IGF2R: variants seen among roughly 807,000 people sequenced by gnomAD.
The protein encoded by IGF2R is insulin like growth factor 2 receptor.
IGF2R carries 91 observed loss-of-function variants against 270.6 expected under a neutral mutation model. The ratio of observed to expected loss-of-function variants is 0.34; its 90% CI spans 0.28 to 0.40. IGF2R has a LOEUF of 0.40. Among genes scored for constraint, IGF2R ranks in the 10% least tolerant of loss-of-function variants. IGF2R has a pLI of 1.00. For synonymous variants in IGF2R, 1,316 were observed against 1,258.9 expected (o/e 1.05, Z -0.96); for missense variants, 2,805 against 3,188.3 (o/e 0.88, Z 2.90).
intron 2 of IGF2R, among the ~76,000 whole-genome samples, chr6:160,001,811 C>A (rs1784133585): frequency 6.6e-6 from 1 of 152,128 alleles, no homozygotes; most frequent in Admixed American, 6.5e-5. Flanking sequence ...GGCCTGTGAA[C>A]AATATTTGGT....
At chr6:159,980,329 C>T (rs1783780276) in intron 1 of IGF2R, among the ~76,000 whole-genome samples, 1 of 152,122 alleles carries the variant, frequency 6.6e-6, no homozygotes, top group Non-Finnish European at 1.5e-5. Flanking sequence ...GCTGCTTTTC[C>T]TCTTCAGGTT....
chr6:159,989,350 A>G (rs1469055334), intron 1 of IGF2R, among the ~76,000 whole-genome samples: 2 of 151,996 alleles, frequency 1.3e-5, no homozygotes, highest in Non-Finnish European at 2.9e-5. Flanking sequence ...GTGCTGAGTC[A>G]TTGCCTTGGT....
intron 4 of IGF2R, among the ~76,000 whole-genome samples, chr6:160,022,050 T>C (rs1161878322): frequency 2.4e-5 from 3 of 122,918 alleles, no homozygotes; most frequent in East Asian, 5.9e-4. Context: ...ACGTCTATCA[T>C]GGAATACCAC....
intron 7 of IGF2R, among the ~76,000 whole-genome samples, chr6:160,031,073 C>T (rs1777685615): frequency 6.6e-6 from 1 of 152,180 alleles, no homozygotes; most frequent in African/African-American, 2.4e-5. Flanking sequence ...AACTCCCAGG[C>T]TCAAGTGATC....
chr6:160,041,346 G>A (rs967292941), intron 11 of IGF2R, among the ~76,000 whole-genome samples: 1 of 152,208 alleles, frequency 6.6e-6, no homozygotes, highest in Non-Finnish European at 1.5e-5. Context: ...GAAGCAGAGA[G>A]AATGACTTGC....
intron 4 of IGF2R, among the ~76,000 whole-genome samples, chr6:160,019,050 A>G (rs1415833198): frequency 1.3e-5 from 2 of 152,122 alleles, no homozygotes; most frequent in Non-Finnish European, 2.9e-5. Flanking sequence ...GATAATATTC[A>G]TAGACTGTTG....
In IGF2R at chr6:160,047,826, A is replaced by T. The variant is rs757916334; in HGVS notation, c.2264A>T (p.Tyr755Phe). Residue 755 changes from tyrosine (Y) to phenylalanine (F), a missense_variant, in exon 17 of 48, where the codon TAC becomes TTC. By Grantham distance (22) the Tyr-to-Phe change is conservative. Coordinates refer to ENST00000356956, the MANE Select transcript of IGF2R (RefSeq NM_000876.4). ...EDNSTYNFRW[Y>F]TSYACPEEPL... ...AACTCCACCTACAACTTCCGGTGGTACACCAGCTATGCCTGCCCGGAGGAG... is the reference window on the plus strand; with the variant it reads ...AACTCCACCTACAACTTCCGGTGGTTCACCAGCTATGCCTGCCCGGAGGAG... The T allele has an allele frequency of 5.6e-6, 9 of 1,614,046 alleles. No homozygotes were observed. Among genetic ancestry groups the T allele is most frequent in the Non-Finnish European group, 7.6e-6 (9 of 1,179,890 alleles).
chr6:160,070,131 C>A, intron 31 of IGF2R, 73 bp downstream of exon 31: 1 of 1,415,812 alleles, frequency 7.1e-7, no homozygotes, highest in Non-Finnish European at 9.8e-7. Flanking sequence ...CGGTGAGCCG[C>A]ACGTCCTCAT....
chr6:159,973,212 C>T (rs777094265), intron 1 of IGF2R, among the ~76,000 whole-genome samples: 1 of 152,144 alleles, frequency 6.6e-6, no homozygotes, highest in Admixed American at 6.5e-5. Flanking sequence ...CTAAAGTGAT[C>T]TCAGCTTGTC....
chr6:160,079,434 C>T (rs558904253), intron 37 of IGF2R, 146 bp from the exon 38 acceptor site: 9 of 503,228 alleles, frequency 1.8e-5, no homozygotes, highest in South Asian at 1.9e-4. Flanking sequence ...AGGGCCAAGG[C>T]GATTGCGTGG....
chr6:160,017,327 T>C (rs891830156), intron 4 of IGF2R, among the ~76,000 whole-genome samples: 1 of 152,098 alleles, frequency 6.6e-6, no homozygotes, highest in African/African-American at 2.4e-5. Context: ...AAACAAAGAT[T>C]CAAAGGAAAT....
chr6:160,027,418 C>G, intron 6 of IGF2R, 104 bp downstream of exon 6: 1 of 1,304,642 alleles, frequency 7.7e-7, no homozygotes, highest in Non-Finnish European at 1.0e-6. Flanking sequence ...TTGGGATAGT[C>G]CCTGCAGCAT....
Position 160,060,850 on chromosome 6 carries a change from G to A in IGF2R, c.3262+133G>A, listed in dbSNP as rs563713978. The A allele has an allele frequency of 2.3e-4, 173 of 759,366 alleles. 1 individual carries two copies. The South Asian group carries it at 2.9e-3, about 13-fold the overall frequency. The allele number at this position is 759,366 out of a possible 1,614,324, so 47.0% of individuals were successfully genotyped here. ...GTGTATGCTTGGTTATGCAGGCAGC[G>A]TGACATTTCTGTTATATATTCTCTT... is the stretch of plus-strand genomic sequence containing the variant. On this transcript the variant is annotated intron_variant, in intron 23 of 47. Transcript: ENST00000356956.
At chr6:160,020,950 G>T (rs946315912) in intron 4 of IGF2R, among the ~76,000 whole-genome samples, 4 of 152,052 alleles carry the variant, frequency 2.6e-5, no homozygotes, top group African/African-American at 9.7e-5. Context: ...TAGAGAAATG[G>T]GACTTTATTA....
chr6:159,980,550 G>A lies in IGF2R; in HGVS notation c.150-10634G>A, dbSNP rs542380559. On this transcript the variant is annotated intron_variant, in intron 1 of 47. Transcript: ENST00000356956. ...CTTTGCGGAGCCTCTGCTGTCTGAT[G>A]TTTGGCTCCAGCATCTTCAAAGCAG... is the stretch of plus-strand genomic sequence containing the variant. 3.9e-5 allele frequency among the ~76,000 whole-genome samples: 6 copies of A among 152,352 alleles called. No homozygotes were observed. The East Asian group carries it at 1.2e-3, about 29-fold the overall frequency.
At chr6:160,055,970 C>T (rs899516597) in intron 19 of IGF2R, among the ~76,000 whole-genome samples, 1 of 152,148 alleles carries the variant, frequency 6.6e-6, no homozygotes, top group Non-Finnish European at 1.5e-5. Flanking sequence ...CATGCTTCCC[C>T]CTAGGAGCCC....
In IGF2R at chr6:160,089,927, C is replaced by T. The variant is rs777298686; in HGVS notation, c.6479C>T (p.Ala2160Val). 6.3e-7 allele frequency: 1 copy of T among 1,583,092 alleles called. No individual in the cohort carries two copies. The highest frequency in any genetic ancestry group is 1.2e-5 in the South Asian group (1 of 86,222). The change falls in exon 44 of 48, where the codon GCC becomes GTC. Residue 2160 changes from alanine to valine, a missense_variant. Physicochemically the swap from Ala to Val is moderately conservative, Grantham distance 64 (BLOSUM62 0). This residue lies in a region of IGF2R where 1,851 missense variants were observed against 2,207.2 expected (regional missense o/e 0.84). Transcript: ENST00000356956. Reference sequence around the variant, plus strand: ...TTCTGTCTCTTCAGGCTGTTCAGAGCCTCTGGGGACATGAGGACCAATGGG... The same window carrying T: ...TTCTGTCTCTTCAGGCTGTTCAGAGTCTCTGGGGACATGAGGACCAATGGG... ...LGDIYFKLFR[A>V]SGDMRTNGDN... is the part of the protein sequence containing the mutation.
chr6:160,096,551 C>A lies in IGF2R; in HGVS notation c.6768C>A (p.Ile2256=). ...FHCDPLVEDG[I]PEFSHETADC... is the part of the protein sequence containing the mutation. ...GTGACCCTCTGGTGGAGGACGGGAT[C>A]CCCGAGTTCAGTCACGAGACTGCCG... The change falls in exon 45 of 48, where the codon ATC becomes ATA. Residue 2256 remains isoleucine (I), a synonymous_variant. Coordinates refer to ENST00000356956, the MANE Select transcript of IGF2R (RefSeq NM_000876.4). The A allele has an allele frequency of 1.2e-6, 2 of 1,614,164 alleles. No individual in the cohort carries two copies. The highest frequency in any genetic ancestry group is 1.7e-6 in the Non-Finnish European group (2 of 1,179,998).
At chr6:160,030,026 C>A (rs1935751279) in intron 7 of IGF2R, among the ~76,000 whole-genome samples, 1 of 152,094 alleles carries the variant, frequency 6.6e-6, no homozygotes, top group African/African-American at 2.4e-5. Flanking sequence ...GAATTTCAAG[C>A]CTGTGATTTC....
Sources: gnomAD v4.1 joint callset for allele counts (sites outside exome capture counted in the v4.1 genomes callset) on GRCh38, gnomAD v4.1.1 for gene constraint, gnomAD v4.1.1 regional missense constraint, MANE v1.5 for transcripts, NCBI Gene and HGNC (gene_info 2026-07-23, HGNC 2026-07-21) for gene names.